Variants in ATRNL1 observed in about 807,000 individuals in gnomAD.
ATRNL1 encodes attractin like 1.
A neutral mutation model predicts 182.7 loss-of-function variants in ATRNL1; 95 were observed. That is an observed-to-expected ratio of 0.52 (90% CI 0.44 to 0.62). ATRNL1 has a LOEUF of 0.62. Ranked by LOEUF, ATRNL1 falls within the 20% of genes least tolerant of loss-of-function variation. The pLI is 0.00. For missense variants in ATRNL1, 1,471 were observed against 1,679.5 expected, an observed-to-expected ratio of 0.88 and a Z score of 2.17; for synonymous variants, 576 against 568.3, an observed-to-expected ratio of 1.01 and a Z score of -0.19.
chr10:115,202,043 G>A (rs2144311552), intron 8 of ATRNL1, among the ~76,000 whole-genome samples: 1 of 151,742 alleles, frequency 6.6e-6, no homozygotes, highest in African/African-American at 2.4e-5. Context: ...GTCTGTTATT[G>A]GTGTATAAGA....
intron 28 of ATRNL1, among the ~76,000 whole-genome samples, chr10:115,867,434 A>C (rs943528367): frequency 1.3e-5 from 2 of 152,196 alleles, no homozygotes; most frequent in Non-Finnish European, 2.9e-5. Context: ...ATAGAAAAGA[A>C]TGGTACAAGT....
At chr10:115,271,165 T>TACACAC (rs59638255) in intron 13 of ATRNL1, among the ~76,000 whole-genome samples, 2,096 of 146,004 alleles carry the variant, frequency 0.014, 26 homozygotes, top group African/African-American at 0.032. Context: ...ACAAAGATAT[T>TACACAC]ACACACACAC....
At chr10:115,899,223 A>C (rs1330612474) in intron 28 of ATRNL1, among the ~76,000 whole-genome samples, 3 of 152,102 alleles carry the variant, frequency 2.0e-5, no homozygotes, top group African/African-American at 7.2e-5. Flanking sequence ...TCTATGAGTG[A>C]GAACATGCGG....
At chr10:115,345,336 C>T (rs1465049488) in intron 19 of ATRNL1, among the ~76,000 whole-genome samples, 1 of 152,154 alleles carries the variant, frequency 6.6e-6, no homozygotes. Flanking sequence ...CTTCTGTAGG[C>T]GGGTGTCCCC....
intron 24 of ATRNL1, among the ~76,000 whole-genome samples, chr10:115,474,259 T>C (rs1440480759): frequency 6.6e-6 from 1 of 151,410 alleles, no homozygotes; most frequent in Non-Finnish European, 1.5e-5. Flanking sequence ...ACTTTTCTTT[T>C]AGCACTTTAA....
At chr10:115,648,663 A>G (rs1273098270) in intron 26 of ATRNL1, among the ~76,000 whole-genome samples, 8 of 152,158 alleles carry the variant, frequency 5.3e-5, no homozygotes, top group African/African-American at 1.9e-4. Flanking sequence ...TTTTCTAGGC[A>G]GTTACTTCCT....
intron 26 of ATRNL1, among the ~76,000 whole-genome samples, chr10:115,662,025 A>G (rs902678542): frequency 6.7e-6 from 1 of 150,270 alleles, no homozygotes; most frequent in Non-Finnish European, 1.5e-5. Flanking sequence ...GAGAACATGC[A>G]GTGTTTGGTT....
chr10:115,586,993 C>G (rs1487242116), intron 26 of ATRNL1, among the ~76,000 whole-genome samples: 54 of 141,306 alleles, frequency 3.8e-4, no homozygotes, highest in African/African-American at 1.3e-3. Context: ...TCAGCTGCAG[C>G]TCTGTTGGAA....
intron 9 of ATRNL1, among the ~76,000 whole-genome samples, chr10:115,222,510 A>G (rs781833817): frequency 1.4e-4 from 21 of 152,224 alleles, no homozygotes; most frequent in Non-Finnish European, 1.3e-4. Flanking sequence ...GAAATATTAT[A>G]GTAAAACTGC....
At chr10:115,109,937 A>G (rs972001080) in intron 1 of ATRNL1, among the ~76,000 whole-genome samples, 3 of 152,206 alleles carry the variant, frequency 2.0e-5, no homozygotes, top group Admixed American at 2.0e-4. Context: ...TAGGCTGAAG[A>G]GCCAAATTGT....
At position 115,129,549 on chromosome 10, in the gene ATRNL1, G is replaced by C. The variant is rs781973393; in HGVS notation, c.829+14G>C. The C allele has an allele frequency of 4.3e-5, 69 of 1,605,654 alleles. No individual in the cohort carries two copies. Among genetic ancestry groups the C allele is most frequent in the Non-Finnish European group, 5.7e-5 (67 of 1,172,652 alleles). The stretch of plus-strand genomic sequence containing the variant: ...ATAGTTGGCAAGGTAAGCATGTGTG[G>C]TGTGATGGCTTTTGAAACATTGATT... On this transcript the variant is annotated intron_variant, in intron 5 of 28. Coordinates refer to ENST00000355044, the MANE Select transcript of ATRNL1 (RefSeq NM_207303.4).
chr10:115,349,890 C>T (rs1416287857), intron 19 of ATRNL1, among the ~76,000 whole-genome samples: 1 of 152,084 alleles, frequency 6.6e-6, no homozygotes, highest in Non-Finnish European at 1.5e-5. Context: ...AATACTTTCT[C>T]CCCATTCTGT....
intron 26 of ATRNL1, among the ~76,000 whole-genome samples, chr10:115,630,176 G>GA (rs1257621923): frequency 3.3e-5 from 5 of 151,412 alleles, no homozygotes; most frequent in African/African-American, 1.2e-4. Flanking sequence ...CAACTTAGTA[G>GA]AAAAAAAATT....
chr10:115,518,310 G>A (rs551545550), intron 24 of ATRNL1, among the ~76,000 whole-genome samples: 102 of 151,724 alleles, frequency 6.7e-4, no homozygotes, highest in Non-Finnish European at 1.1e-3. Flanking sequence ...ATTCCTTTTA[G>A]TCCATTTTCA....
At chr10:115,354,484 C>T (rs1856416421) in intron 19 of ATRNL1, among the ~76,000 whole-genome samples, 1 of 151,874 alleles carries the variant, frequency 6.6e-6, no homozygotes, top group African/African-American at 2.4e-5. Flanking sequence ...GAAGTTTTTT[C>T]CCTTTAGCAC....
intron 21 of ATRNL1, among the ~76,000 whole-genome samples, chr10:115,457,163 A>G (rs750193509): frequency 6.6e-6 from 1 of 152,036 alleles, no homozygotes; most frequent in African/African-American, 2.4e-5. Flanking sequence ...AATTTTGTTG[A>G]GCAACAGAAG....
chr10:115,477,597 C>T (rs558135289), intron 24 of ATRNL1, among the ~76,000 whole-genome samples: 13 of 151,464 alleles, frequency 8.6e-5, no homozygotes, highest in African/African-American at 2.7e-4. Flanking sequence ...CTTCTCTGCT[C>T]GAAGATATGG....
At position 115,880,109 on chromosome 10, in the gene ATRNL1, G is replaced by T. The variant is rs556468741; in HGVS notation, c.4018+32118G>T. On this transcript the variant is annotated intron_variant, in intron 28 of 28. Transcript: ENST00000355044. ...AACTGAAATTATTTCCCAGGATAAA[G>T]TCATCCTGCTGGAGGCTTTCAGTAG... is the stretch of plus-strand genomic sequence containing the variant. 1.4e-4 allele frequency among the ~76,000 whole-genome samples: 21 copies of T among 152,336 alleles called. No homozygotes were observed. The East Asian group carries it at 4.1e-3, about 29-fold the overall frequency.
chr10:115,555,002 C>T (rs1462187760), intron 26 of ATRNL1, among the ~76,000 whole-genome samples: 4 of 151,710 alleles, frequency 2.6e-5, no homozygotes, highest in Admixed American at 6.6e-5. Flanking sequence ...ATGTATATCT[C>T]GATATATGTG....
Sources: allele counts gnomAD v4.1 joint callset (sites outside exome capture counted in the v4.1 genomes callset), GRCh38; gene constraint gnomAD v4.1.1; transcripts MANE v1.5; gene names NCBI Gene and HGNC (gene_info 2026-07-23, HGNC 2026-07-21).